TENM3: variants seen among roughly 807,000 people sequenced by gnomAD.
TENM3 encodes the protein teneurin transmembrane protein 3.
In TENM3, 63 loss-of-function variants were observed where a neutral mutation model predicts 255.1. The observed-to-expected ratio is 0.25, with a 90% CI of 0.20 to 0.30. TENM3 has a LOEUF of 0.30. Among genes scored for constraint, TENM3 ranks in the 10% least tolerant of loss-of-function variants. The pLI is 1.00. For synonymous variants in TENM3, 1,306 were observed against 1,322.3 expected (o/e 0.99, Z 0.27); for missense variants, 2,929 against 3,461.1 (o/e 0.85, Z 3.86).
the TENM3 span, among the ~76,000 whole-genome samples, chr4:181,832,300 AT>A: frequency 1.3e-5 from 2 of 152,136 alleles, no homozygotes. Flanking sequence ...AATGTGGCCA[AT>A]TTTTTTAAAA....
intron 3 of TENM3, among the ~76,000 whole-genome samples, chr4:182,439,211 G>A (rs948543543): frequency 6.6e-6 from 1 of 152,184 alleles, no homozygotes; most frequent in East Asian, 1.9e-4. Flanking sequence ...GACAGTAATT[G>A]AGTTTTCCTT....
At chr4:182,235,771 G>A (rs747976899) in intron 1 of TENM3, among the ~76,000 whole-genome samples, 13 of 152,206 alleles carry the variant, frequency 8.5e-5, no homozygotes, top group Non-Finnish European at 2.9e-5. Flanking sequence ...AAACCCTGGC[G>A]TTAGGAAGGA....
At chr4:182,508,085 T>C (rs1737021764) in intron 3 of TENM3, among the ~76,000 whole-genome samples, 1 of 152,194 alleles carries the variant, frequency 6.6e-6, no homozygotes, top group Non-Finnish European at 1.5e-5. Context: ...CATTTAACCC[T>C]GATAGGCCTC....
intron 1 of TENM3, among the ~76,000 whole-genome samples, chr4:182,224,783 C>T (rs1384651864): frequency 6.7e-6 from 1 of 149,900 alleles, no homozygotes; most frequent in Non-Finnish European, 1.5e-5. Flanking sequence ...ATCACCCTGG[C>T]TGGAGTGCAG....
chr4:182,081,295 G>C, the TENM3 span, among the ~76,000 whole-genome samples: 1 of 152,032 alleles, frequency 6.6e-6, no homozygotes, highest in Non-Finnish European at 1.5e-5. Flanking sequence ...GGATGTCTCA[G>C]GCCAGGTGTG....
In TENM3 at chr4:182,660,298, T is replaced by C. The variant is rs560553693; in HGVS notation, c.1111+6405T>C. Among the ~76,000 whole-genome samples the C allele has an allele frequency of 2.7e-4, 41 of 152,290 alleles. No homozygotes were observed. In the Middle Eastern group the frequency reaches 0.01, roughly 38 times the overall value. ...GAGTGAAAATAATACAACTAAATGA[T>C]ATGATATAAAGTATACGAAGGGCCA... On this transcript the variant is annotated intron_variant, in intron 6 of 27. Coordinates refer to ENST00000511685, the MANE Select transcript of TENM3 (RefSeq NM_001080477.4).
At chr4:182,680,184 T>C (rs894034731) in intron 8 of TENM3, 64 bp from the exon 9 acceptor site, 2 of 1,143,286 alleles carry the variant, frequency 1.7e-6, no homozygotes, top group African/African-American at 3.0e-5. Context: ...ATCAAAGTGA[T>C]ACCGTTTATC....
intron 1 of TENM3, among the ~76,000 whole-genome samples, chr4:182,245,298 T>G (rs543238097): frequency 6.6e-6 from 1 of 152,286 alleles, no homozygotes; most frequent in East Asian, 1.9e-4. Context: ...CTCTGTCTCA[T>G]GTGATGTAGC....
chr4:182,051,312 C>G, the TENM3 span, among the ~76,000 whole-genome samples: 2 of 150,704 alleles, frequency 1.3e-5, no homozygotes, highest in South Asian at 4.2e-4. Context: ...CATTGCACTC[C>G]AGCCTGGGCG....
At chr4:182,066,877 C>G in the TENM3 span, among the ~76,000 whole-genome samples, 2 of 152,138 alleles carry the variant, frequency 1.3e-5, no homozygotes, top group Non-Finnish European at 2.9e-5. Context: ...CACCGCTGCA[C>G]TCCAGCCTGG....
rs551353472 is a variant in TENM3 at position 182,677,002 on chromosome 4, A to G, written c.1327-2664A>G. ...AGGTCCTAAGACTCCTCTTCTCCCC[A>G]AAAATATATCTGCATCTCCATCTTA... On this transcript the variant is annotated intron_variant, in intron 7 of 27. Coordinates refer to ENST00000511685, the MANE Select transcript of TENM3 (RefSeq NM_001080477.4). Among the ~76,000 whole-genome samples the G allele has an allele frequency of 1.8e-4, 27 of 152,322 alleles. No homozygotes were observed. The South Asian group carries it at 5.4e-3, about 30-fold the overall frequency.
intron 12 of TENM3, among the ~76,000 whole-genome samples, chr4:182,704,822 CTTTT>C (rs201275276): frequency 5.6e-5 from 7 of 124,122 alleles, no homozygotes; most frequent in Non-Finnish European, 3.4e-5. Flanking sequence ...TACACACAAA[CTTTT>C]TTTTTTTTTT....
the TENM3 span, among the ~76,000 whole-genome samples, chr4:182,021,892 C>A: frequency 1.3e-5 from 2 of 152,130 alleles, no homozygotes; most frequent in African/African-American, 4.8e-5. Flanking sequence ...CAAAAAATAA[C>A]ATATACTGGC....
At chr4:182,428,043 G>A (rs1035122246) in intron 3 of TENM3, among the ~76,000 whole-genome samples, 1 of 151,162 alleles carries the variant, frequency 6.6e-6, no homozygotes, top group Non-Finnish European at 1.5e-5. Context: ...TGCATCTAAT[G>A]TATTTGCTAT....
At chr4:182,757,311 C>CAAAAA (rs10571604) in intron 22 of TENM3, among the ~76,000 whole-genome samples, 3 of 53,606 alleles carry the variant, frequency 5.6e-5, no homozygotes, top group Admixed American at 2.6e-4. Context: ...GACTCCGTCT[C>CAAAAA]AAAAAAAAAA....
At chr4:182,117,493 G>C in the TENM3 span, among the ~76,000 whole-genome samples, 1 of 152,122 alleles carries the variant, frequency 6.6e-6, no homozygotes, top group Non-Finnish European at 1.5e-5. Flanking sequence ...TGTGAGGTGT[G>C]TGTCTAGACT....
chr4:181,491,121 A>G, the TENM3 span, among the ~76,000 whole-genome samples: 1,377 of 151,242 alleles, frequency 9.1e-3, 16 homozygotes, highest in South Asian at 0.033. Flanking sequence ...GTCTACCTGA[A>G]AAAAAAAGCT....
chr4:181,557,611 C>G, the TENM3 span, among the ~76,000 whole-genome samples: 9 of 152,138 alleles, frequency 5.9e-5, no homozygotes, highest in Non-Finnish European at 1.3e-4. Context: ...ACTGCAGCTT[C>G]GACTTCCCAG....
the TENM3 span, among the ~76,000 whole-genome samples, chr4:181,945,943 T>C: frequency 6.6e-6 from 1 of 152,250 alleles, no homozygotes; most frequent in East Asian, 1.9e-4. Context: ...TTATTGTTCC[T>C]TTCTGTGTGT....
Sources: gnomAD v4.1 joint callset for allele counts (sites outside exome capture counted in the v4.1 genomes callset) on GRCh38, gnomAD v4.1.1 for gene constraint, MANE v1.5 for transcripts, NCBI Gene and HGNC (gene_info 2026-07-23, HGNC 2026-07-21) for gene names.